Variants in MAEL observed in about 807,000 individuals in gnomAD.
MAEL encodes the protein maelstrom spermatogenic transposon silencer, also known as protein maelstrom homolog.
Under a neutral mutation model 62.0 loss-of-function variants are expected in MAEL, and 46 were observed. The observed-to-expected ratio is 0.74, with a 90% CI of 0.59 to 0.95. MAEL has a LOEUF of 0.95. Among genes scored for constraint, MAEL ranks in the 40% least tolerant of loss-of-function variants. The pLI, the probability that MAEL is intolerant of heterozygous loss-of-function variation, is 0.00. For synonymous variants in MAEL, 172 were observed against 175.5 expected, an observed-to-expected ratio of 0.98 and a Z score of 0.16; for missense variants, 497 against 526.8, an observed-to-expected ratio of 0.94 and a Z score of 0.55.
intron 8 of MAEL, chr1:167,006,059 A>G (rs536272488): frequency 6.6e-6 from 1 of 152,418 alleles, no homozygotes; most frequent in Non-Finnish European, 1.5e-5. Flanking sequence ...CTGCCTGGGA[A>G]TACTGGGTGC....
Position 166,994,666 on chromosome 1 carries a change from AT to A in MAEL, c.523+619del, listed in dbSNP as rs35009494. Among the ~76,000 whole-genome samples the A allele has an allele frequency of 8.4e-3, 1,007 of 119,592 alleles. 2 individuals are homozygous for A. Among genetic ancestry groups the A allele is most frequent in the African/African-American group, 0.011 (331 of 29,986 alleles). 78.5% of individuals were successfully genotyped at this position (119,592 alleles called of 152,430 possible). A position where few individuals can be genotyped will look rare whatever the true frequency, so the allele number is the denominator to read the frequency against. ...TTTAATGATTCCTGTCTGTAAGGTA[AT>A]TTTTTTTTTTTTTTTTTTTTTGAGA... On this transcript the variant is annotated intron_variant, in intron 5 of 11. Coordinates refer to ENST00000367872, the MANE Select transcript of MAEL (RefSeq NM_032858.3).
chr1:166,994,114 C>T (rs954362992), intron 5 of MAEL, 45 bp downstream of exon 5: 8 of 1,523,058 alleles, frequency 5.3e-6, no homozygotes, highest in Non-Finnish European at 7.3e-6. Context: ...TGAATCTATT[C>T]ATACCTGGTT....
chr1:167,006,632 TATATACA>T (rs1338915617), intron 8 of MAEL, among the ~76,000 whole-genome samples: 83 of 90,890 alleles, frequency 9.1e-4, no homozygotes, highest in African/African-American at 3.1e-3. Flanking sequence ...TATATATATA[TATATACA>T]TTTTTTTTTT....
At chr1:167,012,659 G>A (rs1665216687) in intron 8 of MAEL, 1 of 152,206 alleles carries the variant, frequency 6.6e-6, no homozygotes, top group Non-Finnish European at 1.5e-5. Flanking sequence ...AGAGAAGAAT[G>A]TATAGAAAAG....
In MAEL at chr1:166,989,317, G is replaced by C; in HGVS notation, c.-36G>C. On this transcript the variant is annotated 5_prime_UTR_variant, in exon 1 of 12. Transcript: ENST00000367872. ...AGCCCGGCGAGGGCGCCGGTGCTTT[G>C]TTCTGTCTGAGGCCAGGAAGTTTGA... is the stretch of plus-strand genomic sequence containing the variant. 1.3e-6 allele frequency: 2 copies of C among 1,598,714 alleles called. No homozygotes were observed. Among genetic ancestry groups the C allele is most frequent in the Non-Finnish European group, 1.7e-6 (2 of 1,172,470 alleles).
rs1220355829 is a variant in MAEL at position 166,989,841 on chromosome 1, G to A, written c.225+12G>A. The A allele has an allele frequency of 1.9e-6, 3 of 1,602,362 alleles. No homozygotes were observed. The highest frequency in any genetic ancestry group is 2.6e-6 in the Non-Finnish European group (3 of 1,174,132). On this transcript the variant is annotated intron_variant, in intron 2 of 11. Transcript: ENST00000367872. The stretch of plus-strand genomic sequence containing the variant: ...CCTCAGAGAAGCAGGTAAAGTTAAC[G>A]AGAGAAGAGCCGCCATCTGCCTGGC...
chr1:166,995,722 A>G (rs550098713), intron 5 of MAEL, among the ~76,000 whole-genome samples: 1 of 152,108 alleles, frequency 6.6e-6, no homozygotes, highest in South Asian at 2.1e-4. Context: ...CGGTGAATTA[A>G]TTTTCAAGTT....
At chr1:166,989,710 C>G (rs919001065) in intron 1 of MAEL, 27 bp from the exon 2 acceptor site, 1 of 1,606,580 alleles carries the variant, frequency 6.2e-7, no homozygotes, top group Non-Finnish European at 8.5e-7. Flanking sequence ...GGCTGTTTCT[C>G]TTCTTTGCTC....
At chr1:167,002,930 A>G (rs1375704737) in intron 5 of MAEL, among the ~76,000 whole-genome samples, 2 of 152,132 alleles carry the variant, frequency 1.3e-5, no homozygotes, top group Non-Finnish European at 2.9e-5. Flanking sequence ...AACAAACCCA[A>G]CTGCCAGATT....
At chr1:167,018,040 C>A in intron 10 of MAEL, 81 bp downstream of exon 10, 2 of 1,394,482 alleles carry the variant, frequency 1.4e-6, no homozygotes, top group South Asian at 3.1e-5. Flanking sequence ...AACAAAAGAT[C>A]AGCCTTTGTT....
chr1:167,018,807 A>G (rs939566107), intron 10 of MAEL, among the ~76,000 whole-genome samples: 3 of 152,130 alleles, frequency 2.0e-5, no homozygotes, highest in African/African-American at 7.2e-5. Flanking sequence ...TGAAGACTAA[A>G]CTATAACAAG....
intron 1 of MAEL, among the ~76,000 whole-genome samples, chr1:166,978,139 C>T (rs1663650624): frequency 6.6e-6 from 1 of 152,154 alleles, no homozygotes; most frequent in African/African-American, 2.4e-5. Flanking sequence ...TGGAGAAGAG[C>T]TTGTGCCACA....
chr1:167,020,095 A>C (rs1665560352), intron 10 of MAEL, among the ~76,000 whole-genome samples: 1 of 152,102 alleles, frequency 6.6e-6, no homozygotes, highest in Non-Finnish European at 1.5e-5. Context: ...TGGGATATAC[A>C]ATTCATTTAT....
rs555067956 is a variant in MAEL, at chr1:167,018,951, A to G, written c.1041+992A>G. Among the ~76,000 whole-genome samples, 345 of 152,308 alleles carry G rather than the reference A, an allele frequency of 2.3e-3. 4 individuals carry two copies. The highest frequency in any genetic ancestry group is 7.9e-3 in the African/African-American group (329 of 41,564). On this transcript the variant is annotated intron_variant, in intron 10 of 11. Transcript: ENST00000367872. Reference sequence around the variant, plus strand: ...GGTGTTTACACAATTCTGTACATACATTAAACTTCATAGATGTGTACACCA... The same window carrying G: ...GGTGTTTACACAATTCTGTACATACGTTAAACTTCATAGATGTGTACACCA...
intron 5 of MAEL, among the ~76,000 whole-genome samples, chr1:167,003,745 T>G (rs1208381878): frequency 1.3e-5 from 2 of 152,216 alleles, no homozygotes; most frequent in Admixed American, 1.3e-4. Flanking sequence ...TCTAAATTAC[T>G]TGGTCTTTTT....
chr1:166,991,126 A>T (rs1164269151), intron 2 of MAEL, among the ~76,000 whole-genome samples: 2 of 152,204 alleles, frequency 1.3e-5, no homozygotes. Flanking sequence ...TACCTTGGAT[A>T]ATCAGTAGTG....
At chr1:166,999,035 T>C (rs1664550039) in intron 5 of MAEL, among the ~76,000 whole-genome samples, 2 of 152,204 alleles carry the variant, frequency 1.3e-5, no homozygotes, top group Non-Finnish European at 1.5e-5. Context: ...GCCTCATCTC[T>C]TTCCCTTTCC....
chr1:167,001,700 A>G (rs904545744), intron 5 of MAEL, among the ~76,000 whole-genome samples: 5 of 152,206 alleles, frequency 3.3e-5, no homozygotes, highest in African/African-American at 4.8e-5. Context: ...TATATTCCCT[A>G]TCTGGCTAGG....
chr1:167,014,348 A>C (rs1665290488), intron 8 of MAEL, among the ~76,000 whole-genome samples: 1 of 152,216 alleles, frequency 6.6e-6, no homozygotes, highest in Admixed American at 6.5e-5. Flanking sequence ...TTCTTAGTCC[A>C]TTTTAATGAG....
Sources: allele counts gnomAD v4.1 joint callset (sites outside exome capture counted in the v4.1 genomes callset), GRCh38; gene constraint gnomAD v4.1.1; transcripts MANE v1.5; gene names NCBI Gene and HGNC (gene_info 2026-07-23, HGNC 2026-07-21).